Variants in PGGHG observed in about 807,000 individuals in gnomAD.
PGGHG encodes the protein ATH1, acid trehalase-like 1.
Under a neutral mutation model 74.5 loss-of-function variants are expected in PGGHG, and 67 were observed. The observed-to-expected ratio is 0.90, with a 90% CI of 0.74 to 1.10. The LOEUF is 1.10. PGGHG is among the 50% of genes least tolerant of loss of function. The pLI, the probability that PGGHG is intolerant of heterozygous loss-of-function variation, is 0.00. For missense variants in PGGHG, 1,034 were observed against 981.5 expected (o/e 1.05, Z -0.72); for synonymous variants, 496 against 419.9 (o/e 1.18, Z -2.21).
chr11:294,724 T>C lies in PGGHG; in HGVS notation c.2189T>C (p.Leu730Pro). 6.2e-7 allele frequency: 1 copy of C among 1,608,552 alleles called. No individual in the cohort carries two copies. The highest frequency in any genetic ancestry group is 8.5e-7 in the Non-Finnish European group (1 of 1,177,558). Residue 730 changes from leucine (L) to proline (P), a missense_variant, in exon 14 of 14, where the codon CTC becomes CCC. Coordinates refer to ENST00000409548, the MANE Select transcript of PGGHG (RefSeq NM_025092.5). ...GGTTCCTCCAGCCCCACCGAGTCAC[T>C]CACTGTGGACCCTGCCTCTGAATAA... ...TLGSSSPTES[L>P]TVDPASE
rs780857717 is a variant in PGGHG at position 290,627 on chromosome 11, AG to A, written c.470+30del. On this transcript the variant is annotated intron_variant, in intron 3 of 13. Coordinates refer to ENST00000409548, the MANE Select transcript of PGGHG (RefSeq NM_025092.5). ...TAAGGAGGGGGCTGGATTTGCAGCCAGGGAGTCCAGGGAGGGAGCTCATCCC... is the reference window on the plus strand; with the variant it reads ...TAAGGAGGGGGCTGGATTTGCAGCCAGGAGTCCAGGGAGGGAGCTCATCCC... 6 of 1,600,080 alleles carry A rather than the reference AG, an allele frequency of 3.7e-6. 1 individual carries two copies. In the South Asian group the frequency reaches 6.7e-5, roughly 18 times the overall value.
rs371106016 is a variant in PGGHG, at chr11:294,574, C to G, written c.2039C>G (p.Pro680Arg). ...SLLPGHKVSF[P>R]RSAGRIQMSP... ...CCTGCAGGACACAAGGTCTCCTTTC[C>G]CCGCTCGGCTGGCCGGATACAAATG... is the stretch of plus-strand genomic sequence containing the variant. Residue 680 changes from proline to arginine, a missense_variant, in exon 14 of 14, where the codon CCC becomes CGC. By Grantham distance (103) the Pro-to-Arg change is moderately radical. Coordinates refer to ENST00000409548, the MANE Select transcript of PGGHG (RefSeq NM_025092.5). 9 of 1,160,914 alleles carry G rather than the reference C, an allele frequency of 7.8e-6. No individual in the cohort carries two copies. Among genetic ancestry groups the G allele is most frequent in the African/African-American group, 2.8e-5 (1 of 35,198 alleles). The allele number at this position is 1,160,914 out of a possible 1,614,324, so 71.9% of individuals were successfully genotyped here.
At position 290,070 on chromosome 11, in the gene PGGHG, A is replaced by T. The variant is rs1201031109; in HGVS notation, c.254A>T (p.Asn85Ile). ...ACCGAGACCTTCGCCCTGGACACCA[A>T]CACAGGTAGCGCCACCTGGCCTGCC... is the stretch of plus-strand genomic sequence containing the variant. ...QLTETFALDT[N>I]TGSFLHTLEG... Residue 85 changes from asparagine to isoleucine, a missense_variant, in exon 2 of 14, where the codon AAC becomes ATC. Asn to Ile is a moderately radical substitution (Grantham distance 149, BLOSUM62 -3). Transcript: ENST00000409548. The T allele has an allele frequency of 1.3e-6, 2 of 1,529,280 alleles. No individual in the cohort carries two copies. The highest frequency in any genetic ancestry group is 1.2e-5 in the South Asian group (1 of 82,948). The allele number at this position is 1,529,280 out of a possible 1,614,324, so 94.7% of individuals were successfully genotyped here.
Position 292,049 on chromosome 11 carries a change from G to C in PGGHG, c.980G>C (p.Arg327Pro). The C allele has an allele frequency of 1.3e-6, 2 of 1,596,306 alleles. No individual in the cohort carries two copies. The highest frequency in any genetic ancestry group is 1.7e-6 in the Non-Finnish European group (2 of 1,171,730). Residue 327 changes from arginine to proline, a missense_variant, in exon 5 of 14, where the codon CGC becomes CCC. By Grantham distance (103) the Arg-to-Pro change is moderately radical. Coordinates refer to ENST00000409548, the MANE Select transcript of PGGHG (RefSeq NM_025092.5). ...AARAILEYRIRTLDGALENAQ... is the reference protein window; with the variant it reads ...AARAILEYRIPTLDGALENAQ... ...AGGGCCATCCTGGAGTACCGCATCC[G>C]CACGCTGGACGGGGCCCTGGAGAAC...
At position 290,550 on chromosome 11, in the gene PGGHG, AG is replaced by A. The variant is rs1262147550; in HGVS notation, c.421del (p.Glu141LysfsTer47). ...TLLLRSAFSP[E>X]SPDLDLHQGP... is the part of the protein sequence containing the mutation. ...TGCTCCTGCGGTCAGCCTTCTCCCC[AG>A]AAAGCCCAGACCTGGACCTGCATCA... On this transcript the variant is annotated frameshift_variant, in exon 3 of 14. Coordinates refer to ENST00000409548, the MANE Select transcript of PGGHG (RefSeq NM_025092.5). LOFTEE classifies it high-confidence loss of function. 4 of 1,550,976 alleles carry A rather than the reference AG, an allele frequency of 2.6e-6. No homozygotes were observed. The highest frequency in any genetic ancestry group is 3.5e-6 in the Non-Finnish European group (4 of 1,147,218).
At position 290,931 on chromosome 11, in the gene PGGHG, TGTGG is replaced by T; in HGVS notation, c.725_728del (p.Cys242SerfsTer69). 1 of 1,612,358 alleles carries T rather than the reference TGTGG, an allele frequency of 6.2e-7. No individual in the cohort carries two copies. The highest frequency in any genetic ancestry group is 1.3e-5 in the African/African-American group (1 of 74,998). On this transcript the variant is annotated frameshift_variant, in exon 4 of 14. Coordinates refer to ENST00000409548, the MANE Select transcript of PGGHG (RefSeq NM_025092.5). LOFTEE classifies it high-confidence loss of function. ...GGCCTGGGCCCAGCTCTGGGTAGAA[TGTGG>T]CTTGGACGTGGTGGGGCCCCTGCAG...
Position 292,539 on chromosome 11 carries a change from C to T in PGGHG, c.1027-7C>T. 2 of 1,613,010 alleles carry T rather than the reference C, an allele frequency of 1.2e-6. No homozygotes were observed. Among genetic ancestry groups the T allele is most frequent in the Middle Eastern group, 1.7e-4 (1 of 6,052 alleles). ...AAGGTCAAGTCTGCCCCCTCCCAACCCCTCAGGGAGCCAAGTTTGCCTGGG... is the reference window on the plus strand; with the variant it reads ...AAGGTCAAGTCTGCCCCCTCCCAACTCCTCAGGGAGCCAAGTTTGCCTGGG... On this transcript the variant is annotated splice_region_variant and splice_polypyrimidine_tract_variant and intron_variant, in intron 5 of 13. Coordinates refer to ENST00000409548, the MANE Select transcript of PGGHG (RefSeq NM_025092.5).
chr11:289,622 T>C lies in PGGHG; in HGVS notation c.-13-182T>C. On this transcript the variant is annotated intron_variant, in intron 1 of 13. Transcript: ENST00000409548. The surrounding 1 kb of genome is among the most constrained non-coding windows in gnomAD (Gnocchi z 5.6). ...GATCAACCTTTGGGGTCTGAGCCCCTCTGAGAGTCGAGCTCCTTTCCTGCG... is the reference window on the plus strand; with the variant it reads ...GATCAACCTTTGGGGTCTGAGCCCCCCTGAGAGTCGAGCTCCTTTCCTGCG... The C allele has an allele frequency of 2.7e-6, 2 of 733,754 alleles. No homozygotes were observed. The highest frequency in any genetic ancestry group is 2.2e-6 in the Non-Finnish European group (1 of 462,506). 45.5% of individuals were successfully genotyped at this position (733,754 alleles called of 1,614,324 possible).
In PGGHG at chr11:293,694, T is replaced by C. The variant is rs1479511415; in HGVS notation, c.1581T>C (p.Ala527=). 3.1e-6 allele frequency: 5 copies of C among 1,613,088 alleles called. No homozygotes were observed. Among genetic ancestry groups the C allele is most frequent in the Non-Finnish European group, 4.2e-6 (5 of 1,179,964 alleles). ...GGAAAAATCTGGAGATTTACGAGGCTGTGACGTCCCCCCAGGGCCCCGCCA... is the reference window on the plus strand; with the variant it reads ...GGAAAAATCTGGAGATTTACGAGGCCGTGACGTCCCCCCAGGGCCCCGCCA... ...VRRKNLEIYE[A]VTSPQGPAMT... is the part of the protein sequence containing the mutation. Residue 527 remains alanine, a synonymous_variant, in exon 10 of 14, where the codon GCT becomes GCC. Transcript: ENST00000409548.
chr11:292,605 T>C lies in PGGHG; in HGVS notation c.1086T>C (p.Ile362=), dbSNP rs201699493. Residue 362 remains isoleucine, a synonymous_variant, in exon 6 of 14, where the codon ATT becomes ATC. Coordinates refer to ENST00000409548, the MANE Select transcript of PGGHG (RefSeq NM_025092.5). ...DSGLEVCPED[I]YGVQEVHVNG... is the part of the protein sequence containing the mutation. ...GCCTAGAGGTTTGCCCTGAGGACAT[T>C]TACGGAGTCCAGGAGGTCCACGTCA... The C allele has an allele frequency of 3.7e-6, 6 of 1,613,656 alleles. No individual in the cohort carries two copies. The South Asian group carries it at 5.5e-5, about 15-fold the overall frequency.
In PGGHG at chr11:290,493, C is replaced by T. The variant is rs1845685875; in HGVS notation, c.363C>T (p.Ala121=). Residue 121 remains alanine (A), a synonymous_variant, in exon 3 of 14, where the codon GCC becomes GCT. Transcript: ENST00000409548. ...TGCTGGCTTTCCGAGTGTCCATCGCCCGCCTGGCCCCGGGGAGCGGGCCCA... is the reference window on the plus strand; with the variant it reads ...TGCTGGCTTTCCGAGTGTCCATCGCTCGCCTGGCCCCGGGGAGCGGGCCCA... ...PHVLAFRVSI[A]RLAPGSGPIT... 4 of 1,550,306 alleles carry T rather than the reference C, an allele frequency of 2.6e-6. No homozygotes were observed. Among genetic ancestry groups the T allele is most frequent in the South Asian group, 1.2e-5 (1 of 84,058 alleles).
In PGGHG at chr11:290,772, C is replaced by G. The variant is rs545000615; in HGVS notation, c.565C>G (p.Leu189Val). 27 of 1,612,616 alleles carry G rather than the reference C, an allele frequency of 1.7e-5. No homozygotes were observed. In the South Asian group the frequency reaches 2.5e-4, roughly 15 times the overall value. The change falls in exon 4 of 14, where the codon CTT becomes GTT. Residue 189 changes from leucine (L) to valine (V), a missense_variant. Leu to Val is a conservative substitution (Grantham distance 32). Coordinates refer to ENST00000409548, the MANE Select transcript of PGGHG (RefSeq NM_025092.5). The part of the protein sequence containing the change: ...LWTPAPPDLT[L>V]GEGEEARTWD... ...GACACCAGCACCCCCAGACCTGACC[C>G]TTGGGGAAGGTGAGGAGGCTAGGAC... is the stretch of plus-strand genomic sequence containing the variant.
At position 294,297 on chromosome 11, in the gene PGGHG, T is replaced by C. The variant is rs766372603; in HGVS notation, c.1839T>C (p.Pro613=). The C allele has an allele frequency of 2.9e-5, 47 of 1,611,564 alleles. No homozygotes were observed. Among genetic ancestry groups the C allele is most frequent in the African/African-American group, 1.1e-4 (8 of 74,884 alleles). Residue 613 remains proline, a synonymous_variant, in exon 13 of 14, where the codon CCT becomes CCC. Coordinates refer to ENST00000409548, the MANE Select transcript of PGGHG (RefSeq NM_025092.5). ...CCCGAGCGGGTGTGACCTTTGACCC[T>C]GTGTGTCTGTCGGGGATCTCCAGAG... The part of the protein sequence containing the change: ...RVTRAGVTFD[P]VCLSGISRVS...
rs1845730964 is a variant in PGGHG, at chr11:291,814, G to A, written c.907-162G>A. The A allele has an allele frequency of 3.8e-6, 4 of 1,059,766 alleles. No individual in the cohort carries two copies. In the Admixed American group the frequency reaches 1.2e-4, roughly 32 times the overall value. 65.6% of individuals were successfully genotyped at this position (1,059,766 alleles called of 1,614,324 possible). A position where few individuals can be genotyped will look rare whatever the true frequency, so the allele number is the denominator to read the frequency against. On this transcript the variant is annotated intron_variant, in intron 4 of 13. Transcript: ENST00000409548. ...TCCAGGAGCGTCTGGGCTGGAGACA[G>A]AACTGGGTGGGCAGGTGGGGAGGGC...
At position 292,975 on chromosome 11, in the gene PGGHG, G is replaced by A. The variant is rs1845770769; in HGVS notation, c.1248G>A (p.Arg416=). The change falls in exon 7 of 14, where the codon AGG becomes AGA. Residue 416 remains arginine, a synonymous_variant. Coordinates refer to ENST00000409548, the MANE Select transcript of PGGHG (RefSeq NM_025092.5). ...FWCSRVEWSP[R]EEKYHLRGVM... ...GCAGTCGTGTTGAGTGGAGCCCCAG[G>A]GAGGAAAAGTACCACCTGAGGGGTG... is the stretch of plus-strand genomic sequence containing the variant. 1.9e-6 allele frequency: 3 copies of A among 1,612,850 alleles called. No individual in the cohort carries two copies. The highest frequency in any genetic ancestry group is 1.3e-5 in the African/African-American group (1 of 74,474).
chr11:294,822 A>C lies in PGGHG; in HGVS notation c.*73A>C, dbSNP rs1590292957. On this transcript the variant is annotated 3_prime_UTR_variant, in exon 14 of 14. Coordinates refer to ENST00000409548, the MANE Select transcript of PGGHG (RefSeq NM_025092.5). ...ACGTCTGCACCCACCCCTCCTGGGCACCCTCCTAGCCTGCCATCCCTCACC... is the reference window on the plus strand; with the variant it reads ...ACGTCTGCACCCACCCCTCCTGGGCCCCCTCCTAGCCTGCCATCCCTCACC... 6.8e-7 allele frequency: 1 copy of C among 1,464,122 alleles called. No homozygotes were observed. The highest frequency in any genetic ancestry group is 1.4e-5 in the African/African-American group (1 of 70,164). The allele number at this position is 1,464,122 out of a possible 1,614,324, so 90.7% of individuals were successfully genotyped here. A position where few individuals can be genotyped will look rare whatever the true frequency, so the allele number is the denominator to read the frequency against.
chr11:295,071 A>C lies in PGGHG; in HGVS notation c.*322A>C. 8.3e-6 allele frequency: 2 copies of C among 239,888 alleles called. No individual in the cohort carries two copies. Among genetic ancestry groups the C allele is most frequent in the Non-Finnish European group, 1.6e-5 (2 of 124,610 alleles). 14.9% of individuals were successfully genotyped at this position (239,888 alleles called of 1,614,324 possible). On this transcript the variant is annotated 3_prime_UTR_variant, in exon 14 of 14. Transcript: ENST00000409548. The stretch of plus-strand genomic sequence containing the variant: ...GAGCCTGCATCACCTCTGGCCTCTC[A>C]TCCCCCACTCTCCTGAGAGCAGTGG...
At chr11:291,183 C>G (rs1845710392) in intron 4 of PGGHG, 70 bp downstream of exon 4, 1 of 1,475,516 alleles carries the variant, frequency 6.8e-7, no homozygotes, top group African/African-American at 1.4e-5. Flanking sequence ...TCTGCCCTCC[C>G]TGGGACCAGG....
At chr11:291,887 G>T in intron 4 of PGGHG, 89 bp from the exon 5 acceptor site, 1 of 1,484,790 alleles carries the variant, frequency 6.7e-7, no homozygotes, top group East Asian at 2.4e-5. Context: ...AGACGCCAGC[G>T]ATGGAGCTCT....
Sources: allele counts gnomAD v4.1 joint callset, GRCh38; gene constraint gnomAD v4.1.1; non-coding constraint Gnocchi (gnomAD v3.1); transcripts MANE v1.5; gene names NCBI Gene and HGNC (gene_info 2026-07-23, HGNC 2026-07-21).